The following NHLRC4 variants were observed in gnomAD, a reference collection of about 807,000 sequenced individuals.
NHLRC4 encodes the protein NHL repeat containing 4, also known as NHL-repeat-containing protein 4.
For synonymous variants in NHLRC4, 73 were observed against 69.0 expected, an observed-to-expected ratio of 1.06 and a Z score of -0.29; for missense variants, 158 against 155.4, an observed-to-expected ratio of 1.02 and a Z score of -0.09.
chr16:567,406 G>C (rs1057158591), intron 1 of NHLRC4, 65 bp from the exon 2 acceptor site: 2 of 153,214 alleles, frequency 1.3e-5, no homozygotes, highest in African/African-American at 4.8e-5. Flanking sequence ...TAGACCCTCA[G>C]GACCAGGAGG....
In NHLRC4 at chr16:568,683, T is replaced by C. The variant is rs1367166011; in HGVS notation, c.*264T>C. ...CTCCCCAGCCAGGGCTGCTCTCTGC[T>C]GTCCCCATTCAGTGCCCTGGCCCCT... is the stretch of plus-strand genomic sequence containing the variant. On this transcript the variant is annotated 3_prime_UTR_variant, in exon 2 of 2. Coordinates refer to ENST00000424439, the MANE Select transcript of NHLRC4 (RefSeq NM_001301159.2). The C allele has an allele frequency of 5.8e-6, 3 of 520,804 alleles. No homozygotes were observed. The highest frequency in any genetic ancestry group is 6.9e-6 in the Non-Finnish European group (2 of 290,638). The allele number at this position is 520,804 out of a possible 1,614,324, so 32.3% of individuals were successfully genotyped here. A position where few individuals can be genotyped will look rare whatever the true frequency, so the allele number is the denominator to read the frequency against.
chr16:568,019 C>T lies in NHLRC4; in HGVS notation c.-29C>T, dbSNP rs767166202. On this transcript the variant is annotated 5_prime_UTR_variant, in exon 2 of 2. Transcript: ENST00000424439. ...GCTGTGCACAGCTTCTCGTTGGGTCCTGCTTGGGAGCCCCTGGCCCCAGCC... is the reference window on the plus strand; with the variant it reads ...GCTGTGCACAGCTTCTCGTTGGGTCTTGCTTGGGAGCCCCTGGCCCCAGCC... 34 of 1,503,838 alleles carry T rather than the reference C, an allele frequency of 2.3e-5. No homozygotes were observed. Among genetic ancestry groups the T allele is most frequent in the Non-Finnish European group, 2.5e-5 (28 of 1,133,348 alleles). The allele number at this position is 1,503,838 out of a possible 1,614,324, so 93.2% of individuals were successfully genotyped here. A position where few individuals can be genotyped will look rare whatever the true frequency, so the allele number is the denominator to read the frequency against.
At chr16:567,117 G>A (rs2035547729) in intron 1 of NHLRC4, 42 bp downstream of exon 1, 2 of 153,192 alleles carry the variant, frequency 1.3e-5, no homozygotes, top group Admixed American at 1.3e-4. Flanking sequence ...TGGGGCAGGT[G>A]GAGGCCCTCG....
chr16:568,634 G>A lies in NHLRC4; in HGVS notation c.*215G>A. 1 of 604,298 alleles carries A rather than the reference G, an allele frequency of 1.7e-6. No individual in the cohort carries two copies. The highest frequency in any genetic ancestry group is 3.3e-5 in the Admixed American group (1 of 30,078). The allele number at this position is 604,298 out of a possible 1,614,324, so 37.4% of individuals were successfully genotyped here. A position where few individuals can be genotyped will look rare whatever the true frequency, so the allele number is the denominator to read the frequency against. ...GGAGCAGCCCTGAGTCTGCTTCCCA[G>A]GCTGCCCCTGCCAGGCCTGCAGCCT... On this transcript the variant is annotated 3_prime_UTR_variant, in exon 2 of 2. Coordinates refer to ENST00000424439, the MANE Select transcript of NHLRC4 (RefSeq NM_001301159.2).
chr16:569,368 TG>T lies in NHLRC4; in HGVS notation c.*953del. 1 of 166,752 alleles carries T rather than the reference TG, an allele frequency of 6.0e-6. No homozygotes were observed. Among genetic ancestry groups the T allele is most frequent in the Non-Finnish European group, 1.5e-5 (1 of 68,096 alleles). The allele number at this position is 166,752 out of a possible 1,614,324, so 10.3% of individuals were successfully genotyped here. A position where few individuals can be genotyped will look rare whatever the true frequency, so the allele number is the denominator to read the frequency against. Reference sequence around the variant, plus strand: ...GGTGTCTGGCTCTACCCCTGTGGGGTGGGGAGGTGGGGCTCCCCTGTATCAC... The same window carrying T: ...GGTGTCTGGCTCTACCCCTGTGGGGTGGGAGGTGGGGCTCCCCTGTATCAC... On this transcript the variant is annotated 3_prime_UTR_variant, in exon 2 of 2. Coordinates refer to ENST00000424439, the MANE Select transcript of NHLRC4 (RefSeq NM_001301159.2).
rs1596378181 is a variant in NHLRC4, at chr16:567,926, T to G, written c.-122T>G. The G allele has an allele frequency of 9.1e-7, 1 of 1,103,508 alleles. No homozygotes were observed. The highest frequency in any genetic ancestry group is 1.3e-6 in the Non-Finnish European group (1 of 797,660). 68.4% of individuals were successfully genotyped at this position (1,103,508 alleles called of 1,614,324 possible). A position where few individuals can be genotyped will look rare whatever the true frequency, so the allele number is the denominator to read the frequency against. On this transcript the variant is annotated 5_prime_UTR_variant, in exon 2 of 2. Transcript: ENST00000424439. Reference sequence around the variant, plus strand: ...GGCCACTGGGTGACAGTGGGCACCTTCCTGTCTCCCCGAGGGCTGGCTGTG... The same window carrying G: ...GGCCACTGGGTGACAGTGGGCACCTGCCTGTCTCCCCGAGGGCTGGCTGTG...
rs536887950 is a variant in NHLRC4 at position 567,886 on chromosome 16, G to A, written c.-162G>A. ...GGCTGTCCATGCACTCCAGCACACAGCCCGGGACCCCGGGGGCCACTGGGT... is the reference window on the plus strand; with the variant it reads ...GGCTGTCCATGCACTCCAGCACACAACCCGGGACCCCGGGGGCCACTGGGT... On this transcript the variant is annotated 5_prime_UTR_variant, in exon 2 of 2. Coordinates refer to ENST00000424439, the MANE Select transcript of NHLRC4 (RefSeq NM_001301159.2). 113 of 728,582 alleles carry A rather than the reference G, an allele frequency of 1.6e-4. 1 individual carries two copies. The South Asian group carries it at 2.2e-3, about 14-fold the overall frequency. The allele number at this position is 728,582 out of a possible 1,614,324, so 45.1% of individuals were successfully genotyped here. A position where few individuals can be genotyped will look rare whatever the true frequency, so the allele number is the denominator to read the frequency against.
rs1405938573 is a variant in NHLRC4, at chr16:568,388, A to T, written c.341A>T (p.Lys114Met). ...GCTGATGCCAAGGACAACTCCATCA[A>T]GGTGTACCAGGGCCTCAAGGAGCTG... ...LVADAKDNSI[K>M]VYQGLKELA Residue 114 changes from lysine to methionine, a missense_variant, in exon 2 of 2, where the codon AAG (lysine) becomes ATG (methionine). By Grantham distance (95) the Lys-to-Met change is moderately conservative. Transcript: ENST00000424439. 1.2e-6 allele frequency: 2 copies of T among 1,611,670 alleles called. No homozygotes were observed. The highest frequency in any genetic ancestry group is 8.5e-7 in the Non-Finnish European group (1 of 1,179,636).
In NHLRC4 at chr16:568,380, C is replaced by A; in HGVS notation, c.333C>A (p.Asn111Lys). 6.2e-7 allele frequency: 1 copy of A among 1,611,874 alleles called. No homozygotes were observed. Among genetic ancestry groups the A allele is most frequent in the Non-Finnish European group, 8.5e-7 (1 of 1,179,666 alleles). ...TCCTGGTGGCTGATGCCAAGGACAA[C>A]TCCATCAAGGTGTACCAGGGCCTCA... ...GQLLVADAKD[N>K]SIKVYQGLKE... The change falls in exon 2 of 2, where the codon AAC (asparagine) becomes AAA (lysine). Residue 111 changes from asparagine to lysine, a missense_variant. Asn to Lys is a moderately conservative substitution (Grantham distance 94, BLOSUM62 0). Coordinates refer to ENST00000424439, the MANE Select transcript of NHLRC4 (RefSeq NM_001301159.2).
At position 567,984 on chromosome 16, in the gene NHLRC4, C is replaced by T. The variant is rs2035558837; in HGVS notation, c.-64C>T. 6.8e-7 allele frequency: 1 copy of T among 1,469,744 alleles called. No homozygotes were observed. The highest frequency in any genetic ancestry group is 9.0e-7 in the Non-Finnish European group (1 of 1,115,002). 91.0% of individuals were successfully genotyped at this position (1,469,744 alleles called of 1,614,324 possible). A position where few individuals can be genotyped will look rare whatever the true frequency, so the allele number is the denominator to read the frequency against. Reference sequence around the variant, plus strand: ...TCAACCGCCTCCTGGTGACGGACTACTTGCCTGGGGCTGTGCACAGCTTCT... The same window carrying T: ...TCAACCGCCTCCTGGTGACGGACTATTTGCCTGGGGCTGTGCACAGCTTCT... On this transcript the variant is annotated 5_prime_UTR_variant, in exon 2 of 2. Coordinates refer to ENST00000424439, the MANE Select transcript of NHLRC4 (RefSeq NM_001301159.2).
rs373193368 is a variant in NHLRC4 at position 568,098 on chromosome 16, C to A, written c.51C>A (p.Gly17=). ...PCWVGPGPDG[G]LAVSEEFGDV... ...GGGTGGGCCCAGGGCCTGATGGGGG[C>A]CTTGCTGTGAGTGAGGAGTTTGGGG... The change falls in exon 2 of 2, where the codon GGC becomes GGA. Residue 17 remains glycine (G), a synonymous_variant. Coordinates refer to ENST00000424439, the MANE Select transcript of NHLRC4 (RefSeq NM_001301159.2). 6 of 1,575,704 alleles carry A rather than the reference C, an allele frequency of 3.8e-6. No homozygotes were observed. The African/African-American group carries it at 6.7e-5, about 18-fold the overall frequency.
Position 568,271 on chromosome 16 carries a change from T to C in NHLRC4, c.224T>C (p.Phe75Ser). Reference protein sequence around the residue: ...ADEQRRQVTLFPRAGPPICLV... With the variant: ...ADEQRRQVTLSPRAGPPICLV... ...GAGCAGAGGCGCCAGGTGACCCTGT[T>C]TCCCCGGGCTGGGCCACCCATCTGC... The change falls in exon 2 of 2, where the codon TTT becomes TCT. Residue 75 changes from phenylalanine to serine, a missense_variant. Physicochemically the swap from Phe to Ser is radical, Grantham distance 155. Coordinates refer to ENST00000424439, the MANE Select transcript of NHLRC4 (RefSeq NM_001301159.2). 6.2e-7 allele frequency: 1 copy of C among 1,612,254 alleles called. No homozygotes were observed. Among genetic ancestry groups the C allele is most frequent in the Non-Finnish European group, 8.5e-7 (1 of 1,179,660 alleles).
At position 568,633 on chromosome 16, in the gene NHLRC4, A is replaced by T. The variant is rs1266743743; in HGVS notation, c.*214A>T. On this transcript the variant is annotated 3_prime_UTR_variant, in exon 2 of 2. Coordinates refer to ENST00000424439, the MANE Select transcript of NHLRC4 (RefSeq NM_001301159.2). The stretch of plus-strand genomic sequence containing the variant: ...AGGAGCAGCCCTGAGTCTGCTTCCC[A>T]GGCTGCCCCTGCCAGGCCTGCAGCC... The T allele has an allele frequency of 1.6e-6, 1 of 606,244 alleles. No individual in the cohort carries two copies. Among genetic ancestry groups the T allele is most frequent in the Non-Finnish European group, 2.9e-6 (1 of 344,242 alleles). 37.6% of individuals were successfully genotyped at this position (606,244 alleles called of 1,614,324 possible).
chr16:567,947 C>A lies in NHLRC4; in HGVS notation c.-101C>A. ...ACCTTCCTGTCTCCCCGAGGGCTGG[C>A]TGTGGATGCCCTCAACCGCCTCCTG... is the stretch of plus-strand genomic sequence containing the variant. On this transcript the variant is annotated 5_prime_UTR_variant, in exon 2 of 2. It adds an upstream start codon to the 5' untranslated region. Transcript: ENST00000424439. 7.8e-7 allele frequency: 1 copy of A among 1,276,904 alleles called. No individual in the cohort carries two copies. Among genetic ancestry groups the A allele is most frequent in the Non-Finnish European group, 1.0e-6 (1 of 953,006 alleles). The allele number at this position is 1,276,904 out of a possible 1,614,324, so 79.1% of individuals were successfully genotyped here. A position where few individuals can be genotyped will look rare whatever the true frequency, so the allele number is the denominator to read the frequency against.
Position 568,046 on chromosome 16 carries a change from C to T in NHLRC4, c.-2C>T. On this transcript the variant is annotated 5_prime_UTR_variant, in exon 2 of 2. Coordinates refer to ENST00000424439, the MANE Select transcript of NHLRC4 (RefSeq NM_001301159.2). Reference sequence around the variant, plus strand: ...GCTTGGGAGCCCCTGGCCCCAGCCTCCATGCTGGGTCTGGAGGGCCCCTGC... The same window carrying T: ...GCTTGGGAGCCCCTGGCCCCAGCCTTCATGCTGGGTCTGGAGGGCCCCTGC... The T allele has an allele frequency of 6.6e-7, 1 of 1,517,422 alleles. No individual in the cohort carries two copies. 94.0% of individuals were successfully genotyped at this position (1,517,422 alleles called of 1,614,324 possible). A position where few individuals can be genotyped will look rare whatever the true frequency, so the allele number is the denominator to read the frequency against.
In NHLRC4 at chr16:567,786, G is replaced by C; in HGVS notation, c.-262G>C. 2.1e-6 allele frequency: 1 copy of C among 471,298 alleles called. No homozygotes were observed. Among genetic ancestry groups the C allele is most frequent in the Non-Finnish European group, 3.8e-6 (1 of 265,772 alleles). The allele number at this position is 471,298 out of a possible 1,614,324, so 29.2% of individuals were successfully genotyped here. A position where few individuals can be genotyped will look rare whatever the true frequency, so the allele number is the denominator to read the frequency against. ...GCCTCCTGCCCTGCCGCACTCCGGG[G>C]AGCGGGGCCTTCGTTCCAGAGGACG... On this transcript the variant is annotated 5_prime_UTR_variant, in exon 2 of 2. Transcript: ENST00000424439.
rs561468457 is a variant in NHLRC4, at chr16:568,131, G to A, written c.84G>A (p.Arg28=). Reference sequence around the variant, plus strand: ...TGAGTGAGGAGTTTGGGGATGTGAGGCTGTTTGGCAGTGCCCGCCAACCCC... The same window carrying A: ...TGAGTGAGGAGTTTGGGGATGTGAGACTGTTTGGCAGTGCCCGCCAACCCC... ...LAVSEEFGDV[R]LFGSARQPLG... Residue 28 remains arginine, a synonymous_variant, in exon 2 of 2, where the codon AGG becomes AGA. Coordinates refer to ENST00000424439, the MANE Select transcript of NHLRC4 (RefSeq NM_001301159.2). 41 of 1,602,938 alleles carry A rather than the reference G, an allele frequency of 2.6e-5. No individual in the cohort carries two copies.
chr16:568,410 G>A lies in NHLRC4; in HGVS notation c.363G>A (p.Glu121=). 6.2e-7 allele frequency: 1 copy of A among 1,610,498 alleles called. No individual in the cohort carries two copies. The highest frequency in any genetic ancestry group is 1.1e-5 in the South Asian group (1 of 90,848). ...TCAAGGTGTACCAGGGCCTCAAGGA[G>A]CTGGCCTGACCTGAGGCTGGGTTGG... The part of the protein sequence containing the change: ...NSIKVYQGLK[E]LA The change falls in exon 2 of 2, where the codon GAG becomes GAA. Residue 121 remains glutamate (E), a synonymous_variant. Transcript: ENST00000424439.
rs567803744 is a variant in NHLRC4, at chr16:567,646, G to A, written c.-402G>A. 14 of 177,330 alleles carry A rather than the reference G, an allele frequency of 7.9e-5. No homozygotes were observed. The highest frequency in any genetic ancestry group is 6.6e-4 in the Admixed American group (12 of 18,120). The allele number at this position is 177,330 out of a possible 1,614,324, so 11.0% of individuals were successfully genotyped here. A position where few individuals can be genotyped will look rare whatever the true frequency, so the allele number is the denominator to read the frequency against. On this transcript the variant is annotated 5_prime_UTR_variant, in exon 2 of 2. Transcript: ENST00000424439. The stretch of plus-strand genomic sequence containing the variant: ...GCTGCTTGGGTGGATCCGGGTGCCC[G>A]CAGGGGCTGTGGGAGGGCCCCGGGG...
Sources: allele counts gnomAD v4.1 joint callset, GRCh38; gene constraint gnomAD v4.1.1; transcripts MANE v1.5; gene names NCBI Gene and HGNC (gene_info 2026-07-23, HGNC 2026-07-21).